Variants in RAB39A observed in about 807,000 individuals in gnomAD.
The protein encoded by RAB39A is ras-related protein Rab-39A.
Under a neutral mutation model 20.9 loss-of-function variants are expected in RAB39A, and 17 were observed. The observed-to-expected ratio is 0.81, with a 90% CI of 0.56 to 1.22. RAB39A has a LOEUF of 1.22. Ranked by LOEUF, RAB39A falls within the 50% of genes most tolerant of loss-of-function variation. The pLI is 0.00. For missense variants in RAB39A, 234 were observed against 270.5 expected (o/e 0.87, Z 0.95); for synonymous variants, 99 against 103.4 (o/e 0.96, Z 0.26).
chr11:107,950,179 CAA>C (rs372247905), intron 1 of RAB39A, among the ~76,000 whole-genome samples: 10 of 123,324 alleles, frequency 8.1e-5, no homozygotes, highest in African/African-American at 1.5e-4. Context: ...GACTCCGTCT[CAA>C]AAAAAAAAAA....
chr11:107,949,267 G>A lies in RAB39A; in HGVS notation c.228-12679G>A, dbSNP rs141776910. ...TGGAGGTTGTGTGAGCTGAGATTGC[G>A]CCACTGTACTCCAGCCTGGTGACAG... is the stretch of plus-strand genomic sequence containing the variant. On this transcript the variant is annotated intron_variant, in intron 1 of 1. Transcript: ENST00000320578. Among the ~76,000 whole-genome samples, 567 of 151,996 alleles carry A rather than the reference G, an allele frequency of 3.7e-3. 15 individuals are homozygous for A. Among genetic ancestry groups the A allele is most frequent in the Admixed American group, 0.036 (544 of 15,264 alleles).
At chr11:107,944,575 CAG>C (rs1170635756) in intron 1 of RAB39A, among the ~76,000 whole-genome samples, 2 of 151,988 alleles carry the variant, frequency 1.3e-5, no homozygotes, top group Non-Finnish European at 2.9e-5. Flanking sequence ...TTAGTAGAGA[CAG>C]GGTATCACCA....
intron 1 of RAB39A, among the ~76,000 whole-genome samples, chr11:107,929,595 C>T (rs968259515): frequency 6.6e-6 from 1 of 152,036 alleles, no homozygotes; most frequent in Non-Finnish European, 1.5e-5. Context: ...TTTAATTTTG[C>T]TTATGATCAG....
At chr11:107,936,100 A>G (rs1466991781) in intron 1 of RAB39A, among the ~76,000 whole-genome samples, 1 of 151,296 alleles carries the variant, frequency 6.6e-6, no homozygotes. Flanking sequence ...GGGTTTCAGC[A>G]TGTTGGCCAG....
chr11:107,955,859 T>A (rs1462112931), intron 1 of RAB39A, among the ~76,000 whole-genome samples: 1 of 152,014 alleles, frequency 6.6e-6, no homozygotes, highest in Non-Finnish European at 1.5e-5. Flanking sequence ...ATAAAAATTT[T>A]AAAAAATGAA....
chr11:107,937,337 G>A (rs185165317), intron 1 of RAB39A, among the ~76,000 whole-genome samples: 98 of 151,762 alleles, frequency 6.5e-4, no homozygotes, highest in Admixed American at 2.7e-3. Context: ...ACAGGGTCTC[G>A]CTGTATTGCC....
chr11:107,950,097 A>G (rs183679410), intron 1 of RAB39A, among the ~76,000 whole-genome samples: 1,603 of 151,866 alleles, frequency 0.011, 18 homozygotes, highest in African/African-American at 0.036. Context: ...GGAGAATGGC[A>G]TGAACCCAGG....
chr11:107,939,991 T>C (rs1445878312), intron 1 of RAB39A, among the ~76,000 whole-genome samples: 1 of 152,216 alleles, frequency 6.6e-6, no homozygotes, highest in Admixed American at 6.5e-5. Flanking sequence ...TTGGCTAGCA[T>C]GCAATGATTT....
chr11:107,952,827 G>A (rs1861394960), intron 1 of RAB39A, among the ~76,000 whole-genome samples: 1 of 152,178 alleles, frequency 6.6e-6, no homozygotes, highest in Non-Finnish European at 1.5e-5. Flanking sequence ...ATGTTGCAGT[G>A]AGCCGAGATC....
chr11:107,936,890 C>T (rs1028756682), intron 1 of RAB39A, among the ~76,000 whole-genome samples: 1 of 150,824 alleles, frequency 6.6e-6, no homozygotes, highest in Non-Finnish European at 1.5e-5. Context: ...GCCGAGATTG[C>T]GCCCCTGCTC....
intron 1 of RAB39A, among the ~76,000 whole-genome samples, chr11:107,933,413 C>G (rs1373562120): frequency 8.5e-6 from 1 of 117,494 alleles, no homozygotes; most frequent in Non-Finnish European, 1.7e-5. Flanking sequence ...CAGAGTCTCA[C>G]TCTGTCACCT....
chr11:107,946,699 C>A (rs1861322550), intron 1 of RAB39A, among the ~76,000 whole-genome samples: 1 of 150,996 alleles, frequency 6.6e-6, no homozygotes, highest in Admixed American at 6.6e-5. Flanking sequence ...TGGTCTCGAT[C>A]TCCTGACCTC....
At chr11:107,936,886 A>G (rs1861198920) in intron 1 of RAB39A, among the ~76,000 whole-genome samples, 1 of 150,216 alleles carries the variant, frequency 6.7e-6, no homozygotes, top group Non-Finnish European at 1.5e-5. Flanking sequence ...GTGAGCCGAG[A>G]TTGCGCCCCT....
At chr11:107,951,664 C>T (rs181436632) in intron 1 of RAB39A, among the ~76,000 whole-genome samples, 47 of 132,460 alleles carry the variant, frequency 3.5e-4, no homozygotes, top group African/African-American at 9.8e-4. Context: ...CTGTCACCAA[C>T]GCTGAAATTC....
chr11:107,936,007 G>T (rs1861190984), intron 1 of RAB39A, among the ~76,000 whole-genome samples: 1 of 146,126 alleles, frequency 6.8e-6, no homozygotes, highest in African/African-American at 2.5e-5. Context: ...TTGGATTCAA[G>T]CAATTCTCCA....
intron 1 of RAB39A, among the ~76,000 whole-genome samples, chr11:107,946,453 TATATA>T (rs1565464305): frequency 0.011 from 795 of 75,654 alleles, 25 homozygotes; most frequent in Non-Finnish European, 0.017. Context: ...TATATATATA[TATATA>T]TATTTTTTTT....
rs1861509679 is a variant in RAB39A at position 107,962,525 on chromosome 11, T to G, written c.*153T>G. The G allele has an allele frequency of 2.8e-6, 2 of 712,258 alleles. No individual in the cohort carries two copies. The highest frequency in any genetic ancestry group is 2.9e-5 in the South Asian group (1 of 34,716). 44.1% of individuals were successfully genotyped at this position (712,258 alleles called of 1,614,324 possible). A position where few individuals can be genotyped will look rare whatever the true frequency, so the allele number is the denominator to read the frequency against. Reference sequence around the variant, plus strand: ...ATAAGGTATTTGATTCAGAGCATGATGCTTACTTGTTACACTACTAGATTG... The same window carrying G: ...ATAAGGTATTTGATTCAGAGCATGAGGCTTACTTGTTACACTACTAGATTG... On this transcript the variant is annotated 3_prime_UTR_variant, in exon 2 of 2. Transcript: ENST00000320578.
At chr11:107,960,418 T>C (rs929434688) in intron 1 of RAB39A, among the ~76,000 whole-genome samples, 1 of 152,134 alleles carries the variant, frequency 6.6e-6, no homozygotes, top group Non-Finnish European at 1.5e-5. Flanking sequence ...ATGGTATGAT[T>C]ATTGAGCTCA....
At chr11:107,934,652 C>T (rs1235190894) in intron 1 of RAB39A, among the ~76,000 whole-genome samples, 3 of 152,102 alleles carry the variant, frequency 2.0e-5, no homozygotes, top group African/African-American at 4.8e-5. Context: ...TCAGGCCGGG[C>T]GTGGTGGCTC....
Sources: allele counts gnomAD v4.1 joint callset (sites outside exome capture counted in the v4.1 genomes callset), GRCh38; gene constraint gnomAD v4.1.1; transcripts MANE v1.5; gene names NCBI Gene and HGNC (gene_info 2026-07-23, HGNC 2026-07-21).